The following NOX3 variants were observed in gnomAD, a reference collection of about 807,000 sequenced individuals.
The protein encoded by NOX3 is NADPH oxidase 3.
Under a neutral mutation model 76.7 loss-of-function variants are expected in NOX3, and 74 were observed. The observed-to-expected ratio is 0.96, with a 90% CI of 0.80 to 1.17. The LOEUF (loss-of-function observed/expected upper bound fraction) is 1.17. NOX3 is among the 50% of genes most tolerant of loss of function. NOX3 has a pLI of 0.00. For missense variants in NOX3, 695 were observed against 703.3 expected (o/e 0.99, Z 0.13); for synonymous variants, 263 against 261.1 (o/e 1.01, Z -0.07).
At chr6:155,440,828 G>A (rs952237303) in intron 5 of NOX3, among the ~76,000 whole-genome samples, 4 of 151,576 alleles carry the variant, frequency 2.6e-5, no homozygotes, top group African/African-American at 9.7e-5. Context: ...ATGCTTAATT[G>A]CATTTTAACA....
At chr6:155,401,153 A>G (rs759471445) in intron 12 of NOX3, among the ~76,000 whole-genome samples, 1 of 152,210 alleles carries the variant, frequency 6.6e-6, no homozygotes, top group African/African-American at 2.4e-5. Flanking sequence ...TTTGCAGTAT[A>G]ATGATAAATC....
chr6:155,444,160 GT>G (rs1777031058), intron 4 of NOX3, among the ~76,000 whole-genome samples: 1 of 152,078 alleles, frequency 6.6e-6, no homozygotes, highest in Non-Finnish European at 1.5e-5. Flanking sequence ...GTATACAGTA[GT>G]CCCCCCAGTC....
rs577796464 is a variant in NOX3, at chr6:155,414,285, C to T, written c.1309-2925G>A. On this transcript the variant is annotated intron_variant, in intron 10 of 13. Transcript: ENST00000159060. ...CTCACTGGGAAGGGACATAAGAGTT[C>T]CAAGTCTGCATTTCGCCCATGAGAA... is the stretch of plus-strand genomic sequence containing the variant. 5.9e-5 allele frequency among the ~76,000 whole-genome samples: 9 copies of T among 152,292 alleles called. No individual in the cohort carries two copies. In the East Asian group the frequency reaches 1.7e-3, roughly 29 times the overall value.
intron 9 of NOX3, among the ~76,000 whole-genome samples, chr6:155,427,733 GT>G (rs924799269): frequency 6.6e-5 from 10 of 152,118 alleles, no homozygotes; most frequent in African/African-American, 2.4e-4. Flanking sequence ...TGGTGTCCCT[GT>G]TCTTCCAGAG....
intron 9 of NOX3, among the ~76,000 whole-genome samples, chr6:155,426,380 C>G (rs1195175599): frequency 6.6e-6 from 1 of 152,122 alleles, no homozygotes; most frequent in Admixed American, 6.5e-5. Flanking sequence ...GAGAGATAGA[C>G]AGTAAACAAT....
chr6:155,428,606 A>C (rs1424559253), intron 9 of NOX3, among the ~76,000 whole-genome samples, 188 bp downstream of exon 9: 4 of 126,262 alleles, frequency 3.2e-5, no homozygotes, highest in Non-Finnish European at 3.3e-5. Context: ...TTTTTTTTTT[A>C]CAGGAACAGA....
intron 5 of NOX3, among the ~76,000 whole-genome samples, chr6:155,442,810 A>C (rs1400655486): frequency 6.6e-6 from 1 of 152,240 alleles, no homozygotes; most frequent in Non-Finnish European, 1.5e-5. Flanking sequence ...CAAAGCAGCT[A>C]TTCACATATG....
intron 3 of NOX3, 71 bp downstream of exon 3, chr6:155,454,739 CA>C (rs1018148410): frequency 1.4e-5 from 12 of 871,376 alleles, no homozygotes; most frequent in Non-Finnish European, 2.1e-5. Flanking sequence ...TAATAAAGTA[CA>C]TTTTTTTTCA....
intron 4 of NOX3, among the ~76,000 whole-genome samples, chr6:155,450,116 G>C (rs7754577): frequency 0.2 from 30,097 of 152,152 alleles, 3,421 homozygotes; most frequent in African/African-American, 0.31. Context: ...GTGGGATGAG[G>C]GGCACTTTGC....
At chr6:155,410,561 C>G (rs1018299459) in intron 11 of NOX3, among the ~76,000 whole-genome samples, 2 of 152,116 alleles carry the variant, frequency 1.3e-5, no homozygotes, top group Non-Finnish European at 2.9e-5. Context: ...CATTGAAATA[C>G]TACCATAGTC....
At chr6:155,397,898 A>C (rs556251852) in intron 12 of NOX3, among the ~76,000 whole-genome samples, 56 of 152,322 alleles carry the variant, frequency 3.7e-4, no homozygotes, top group Non-Finnish European at 6.3e-4. Context: ...TCTAATCTTG[A>C]CATTTCAGAA....
chr6:155,410,612 A>G (rs1776529867), intron 11 of NOX3, among the ~76,000 whole-genome samples: 2 of 152,208 alleles, frequency 1.3e-5, no homozygotes, highest in South Asian at 2.1e-4. Context: ...TTCAATCTTA[A>G]TATTTCATTA....
intron 4 of NOX3, among the ~76,000 whole-genome samples, chr6:155,449,835 G>T (rs1562473298): frequency 2.0e-5 from 3 of 152,192 alleles, no homozygotes; most frequent in Non-Finnish European, 4.4e-5. Context: ...CATAATGGGC[G>T]ATGCTAATAA....
chr6:155,418,596 C>T (rs1776650071), intron 10 of NOX3, among the ~76,000 whole-genome samples: 1 of 151,614 alleles, frequency 6.6e-6, no homozygotes, highest in South Asian at 2.1e-4. Flanking sequence ...CCCGCCCCCT[C>T]CCAGATCTTT....
chr6:155,453,507 A>G lies in NOX3; in HGVS notation c.256-19T>C. ...TGCAGCACTAGAGTAACAAAAAAAT[A>G]TGCCTGATTTATGGAAAAATTGCAG... On this transcript the variant is annotated intron_variant, in intron 3 of 13. Transcript: ENST00000159060. 6.3e-7 allele frequency: 1 copy of G among 1,580,016 alleles called. No homozygotes were observed. The highest frequency in any genetic ancestry group is 1.7e-5 in the Admixed American group (1 of 59,874).
chr6:155,423,726 CTTTTCTTTTTCT>C (rs1233848558), intron 9 of NOX3, among the ~76,000 whole-genome samples: 6 of 150,160 alleles, frequency 4.0e-5, no homozygotes. Context: ...AGTTTCTGTT[CTTTTCTTTTTCT>C]TTTTCTTTTT....
intron 11 of NOX3, among the ~76,000 whole-genome samples, chr6:155,410,837 C>G (rs1776539835): frequency 6.6e-6 from 1 of 152,192 alleles, no homozygotes; most frequent in Non-Finnish European, 1.5e-5. Flanking sequence ...TAGCTCTGAA[C>G]AGCTCAAGGC....
intron 12 of NOX3, among the ~76,000 whole-genome samples, chr6:155,405,345 T>C (rs1776433224): frequency 6.6e-6 from 1 of 152,184 alleles, no homozygotes; most frequent in Non-Finnish European, 1.5e-5. Flanking sequence ...GAGTGTCACG[T>C]ATTAAACTCT....
chr6:155,404,110 A>AAT (rs762930879), intron 12 of NOX3, among the ~76,000 whole-genome samples: 5,817 of 131,164 alleles, frequency 0.044, 116 homozygotes, highest in South Asian at 0.067. Context: ...TTTATCAGTG[A>AAT]ATATATATAT....
Sources: gnomAD v4.1 joint callset for allele counts (sites outside exome capture counted in the v4.1 genomes callset) on GRCh38, gnomAD v4.1.1 for gene constraint, MANE v1.5 for transcripts, NCBI Gene and HGNC (gene_info 2026-07-23, HGNC 2026-07-21) for gene names.